FBXO10: variants seen among roughly 807,000 people sequenced by gnomAD.
The protein encoded by FBXO10 is F-box only protein 10.
In FBXO10, 39 loss-of-function variants were observed where a neutral mutation model predicts 80.7. The ratio of observed to expected loss-of-function variants is 0.48; its 90% CI spans 0.37 to 0.63. The LOEUF is 0.63. Among genes scored for constraint, FBXO10 ranks in the 30% least tolerant of loss-of-function variants. The pLI is 0.00. For synonymous variants in FBXO10, 449 were observed against 489.6 expected, an observed-to-expected ratio of 0.92 and a Z score of 1.09; for missense variants, 1,025 against 1,269.0, an observed-to-expected ratio of 0.81 and a Z score of 2.92.
chr9:37,561,090 C>T (rs1253359259), intron 1 of FBXO10, among the ~76,000 whole-genome samples: 1 of 151,452 alleles, frequency 6.6e-6, no homozygotes, highest in Non-Finnish European at 1.5e-5. Flanking sequence ...TGCAGTGAGC[C>T]GAGATCGTGC....
At position 37,521,759 on chromosome 9, in the gene FBXO10, C is replaced by G; in HGVS notation, c.2010G>C (p.Leu670=). The part of the protein sequence containing the change: ...VTSNHVSYNG[L]YGVAVFSQKD... ...TCTGGCTAAATACTGCCACTCCATA[C>G]AGGCCATTGTAGCTGACGTGGTTGC... The change falls in exon 8 of 11, where the codon CTG becomes CTC. Residue 670 remains leucine, a synonymous_variant. Coordinates refer to ENST00000432825, the MANE Select transcript of FBXO10 (RefSeq NM_012166.3). The G allele has an allele frequency of 1.9e-6, 3 of 1,613,130 alleles. No individual in the cohort carries two copies. The South Asian group carries it at 3.3e-5, about 18-fold the overall frequency.
intron 6 of FBXO10, among the ~76,000 whole-genome samples, chr9:37,523,515 T>A (rs778174490): frequency 6.6e-6 from 1 of 152,078 alleles, no homozygotes; most frequent in Non-Finnish European, 1.5e-5. Context: ...ATCGAGCCAC[T>A]GCACTCTGGC....
At chr9:37,547,751 T>C (rs1822092955) in intron 1 of FBXO10, among the ~76,000 whole-genome samples, 2 of 151,938 alleles carry the variant, frequency 1.3e-5, no homozygotes, top group African/African-American at 4.8e-5. Context: ...TTGAGTCCAG[T>C]TCGAGATCAG....
chr9:37,522,304 G>A, intron 7 of FBXO10: 5 of 974,066 alleles, frequency 5.1e-6, no homozygotes, highest in Non-Finnish European at 6.1e-6. Flanking sequence ...GCAGTCATGA[G>A]GATTAAATGT....
intron 1 of FBXO10, among the ~76,000 whole-genome samples, chr9:37,564,467 G>A (rs1822557499): frequency 6.6e-6 from 1 of 152,158 alleles, no homozygotes; most frequent in Non-Finnish European, 1.5e-5. Context: ...CTTGCATCAT[G>A]TGCCTGGAAA....
chr9:37,558,590 C>T (rs965650651), intron 1 of FBXO10, among the ~76,000 whole-genome samples: 2 of 152,138 alleles, frequency 1.3e-5, no homozygotes, highest in Admixed American at 6.5e-5. Flanking sequence ...ACCCCACATA[C>T]CATCCAATAT....
At chr9:37,565,691 G>A (rs1015701677) in intron 1 of FBXO10, among the ~76,000 whole-genome samples, 1 of 152,188 alleles carries the variant, frequency 6.6e-6, no homozygotes, top group African/African-American at 2.4e-5. Context: ...CTAAACTTAT[G>A]TGACAAATGG....
chr9:37,573,271 G>T (rs1422156985), intron 1 of FBXO10, among the ~76,000 whole-genome samples: 1 of 152,178 alleles, frequency 6.6e-6, no homozygotes, highest in Non-Finnish European at 1.5e-5. Context: ...TTGCTAGCAG[G>T]AAGGGCCCCA....
chr9:37,575,915 G>A (rs1007928962), intron 1 of FBXO10, among the ~76,000 whole-genome samples: 2 of 152,196 alleles, frequency 1.3e-5, no homozygotes, highest in South Asian at 4.1e-4. Flanking sequence ...CTCAGGGCTG[G>A]AGGCACCGCG....
chr9:37,541,539 T>C lies in FBXO10; in HGVS notation c.230A>G (p.Gln77Arg). Reference protein sequence around the residue: ...EPESWREAFKQHYLASKTWTK... With the variant: ...EPESWREAFKRHYLASKTWTK... ...CCATGTCTTGGATGCAAGGTAATGC[T>C]GCTTGAAGGCTTCTCTCCAAGACTC... Residue 77 changes from glutamine (Q) to arginine (R), a missense_variant, in exon 2 of 11, where the codon CAG (glutamine) becomes CGG (arginine). By Grantham distance (43) the Gln-to-Arg change is conservative. Around this residue, in one of 3 missense-constraint regions of FBXO10, gnomAD observed 450 missense variants for 499.4 expected, o/e 0.90. Transcript: ENST00000432825. 8.7e-6 allele frequency: 14 copies of C among 1,613,780 alleles called. No individual in the cohort carries two copies. Among genetic ancestry groups the C allele is most frequent in the Non-Finnish European group, 1.2e-5 (14 of 1,179,766 alleles).
intron 1 of FBXO10, among the ~76,000 whole-genome samples, chr9:37,558,961 C>A (rs567585386): frequency 6.6e-6 from 1 of 152,246 alleles, no homozygotes; most frequent in East Asian, 1.9e-4. Context: ...CAGACGCGCA[C>A]CACCACGCCC....
intron 10 of FBXO10, 86 bp from the exon 11 acceptor site, chr9:37,512,807 A>G: frequency 7.2e-7 from 1 of 1,392,254 alleles, no homozygotes; most frequent in Non-Finnish European, 9.8e-7. Flanking sequence ...CTTGGGTTCC[A>G]GATCGGTGGA....
chr9:37,571,841 A>C (rs1365703985), intron 1 of FBXO10, among the ~76,000 whole-genome samples: 1 of 150,792 alleles, frequency 6.6e-6, no homozygotes, highest in Non-Finnish European at 1.5e-5. Context: ...AACCAACAAA[A>C]AACTGCTCAA....
intron 1 of FBXO10, among the ~76,000 whole-genome samples, chr9:37,570,440 T>C (rs1044691848): frequency 6.6e-5 from 10 of 151,910 alleles, no homozygotes; most frequent in Non-Finnish European, 7.4e-5. Context: ...AGATAAAAAT[T>C]AATGAAACTA....
chr9:37,569,395 C>CAAAAAA (rs35292200), intron 1 of FBXO10, among the ~76,000 whole-genome samples: 1 of 123,110 alleles, frequency 8.1e-6, no homozygotes, highest in East Asian at 2.2e-4. Context: ...AGATATAAAG[C>CAAAAAA]AAAAAAAAAA....
In FBXO10 at chr9:37,512,682, G is replaced by A. The variant is rs200821298; in HGVS notation, c.2736C>T (p.Pro912=). 2.5e-6 allele frequency: 4 copies of A among 1,613,986 alleles called. No individual in the cohort carries two copies. The highest frequency in any genetic ancestry group is 3.3e-5 in the Admixed American group (2 of 60,024). ...GACGTCTGAGAGAATTTTCAAGGTG[G>A]GGCCGTGCTGGTGGGTTCACCAGGC... ...TWRLVNPPAR[P]HLENSLRRPS... Residue 912 remains proline (P), a synonymous_variant, in exon 11 of 11, where the codon CCC becomes CCT. Coordinates refer to ENST00000432825, the MANE Select transcript of FBXO10 (RefSeq NM_012166.3).
intron 1 of FBXO10, among the ~76,000 whole-genome samples, chr9:37,566,823 G>A (rs759544429): frequency 2.0e-5 from 3 of 152,166 alleles, no homozygotes; most frequent in Admixed American, 6.5e-5. Context: ...TCTTCAAACC[G>A]TAGCTCTCTT....
chr9:37,558,488 C>G (rs6476640), intron 1 of FBXO10, among the ~76,000 whole-genome samples: 84,573 of 152,024 alleles, frequency 0.56, 24,496 homozygotes, highest in African/African-American at 0.73. Context: ...GACAATTTCT[C>G]TCCCAGATGG....
chr9:37,532,820 C>T (rs1431627329), intron 3 of FBXO10, among the ~76,000 whole-genome samples: 2 of 152,320 alleles, frequency 1.3e-5, no homozygotes, highest in African/African-American at 2.4e-5. Flanking sequence ...CCCCAGGGGT[C>T]GAGGGTGCAG....
Sources: gnomAD v4.1 joint callset for allele counts (sites outside exome capture counted in the v4.1 genomes callset) on GRCh38, gnomAD v4.1.1 for gene constraint, gnomAD v4.1.1 regional missense constraint, MANE v1.5 for transcripts, NCBI Gene and HGNC (gene_info 2026-07-23, HGNC 2026-07-21) for gene names.